NHSL1: variants seen among roughly 807,000 people sequenced by gnomAD.
NHSL1 encodes the protein NHS like 1, also known as NHS-like protein 1.
In NHSL1, 48 loss-of-function variants were observed where a neutral mutation model predicts 95.0. That is an observed-to-expected ratio of 0.51 (90% CI 0.40 to 0.64). The LOEUF is 0.64. Among genes scored for constraint, NHSL1 ranks in the 30% least tolerant of loss-of-function variants. The pLI, the probability that NHSL1 is intolerant of heterozygous loss-of-function variation, is 0.00. For synonymous variants in NHSL1, 783 were observed against 833.9 expected (o/e 0.94, Z 1.05); for missense variants, 1,971 against 2,077.7 (o/e 0.95, Z 1.00).
chr6:138,691,163 A>G (rs76293003), intron 1 of NHSL1, among the ~76,000 whole-genome samples: 3,294 of 152,322 alleles, frequency 0.022, 117 homozygotes, highest in African/African-American at 0.075. Context: ...CATCACTCAC[A>G]TTAAGTAGAT....
intron 1 of NHSL1, among the ~76,000 whole-genome samples, chr6:138,686,429 G>A (rs1424175748): frequency 6.6e-6 from 1 of 152,040 alleles, no homozygotes; most frequent in African/African-American, 2.4e-5. Context: ...GCTGAGGTGG[G>A]AGGATCATTT....
At chr6:138,480,778 A>G (rs1018343259) in intron 2 of NHSL1, among the ~76,000 whole-genome samples, 3 of 152,230 alleles carry the variant, frequency 2.0e-5, no homozygotes, top group African/African-American at 7.2e-5. Flanking sequence ...AGAAAGTCCT[A>G]TGATGATCTA....
chr6:138,568,370 A>T (rs1583421552), intron 1 of NHSL1, among the ~76,000 whole-genome samples: 4 of 152,346 alleles, frequency 2.6e-5, no homozygotes. Context: ...TTCAGTAATG[A>T]TTCCACCAAT....
chr6:138,497,593 T>C (rs1022809580), intron 1 of NHSL1, among the ~76,000 whole-genome samples: 10 of 152,190 alleles, frequency 6.6e-5, no homozygotes, highest in Non-Finnish European at 1.3e-4. Context: ...AAACATACTC[T>C]ATAGCACAGT....
intron 1 of NHSL1, among the ~76,000 whole-genome samples, chr6:138,665,214 C>T (rs1295947495): frequency 6.6e-6 from 1 of 152,016 alleles, no homozygotes; most frequent in Non-Finnish European, 1.5e-5. Context: ...TGTCATAATA[C>T]AGATCAACTT....
At chr6:138,641,185 C>G (rs1389343092) in intron 1 of NHSL1, among the ~76,000 whole-genome samples, 1 of 152,160 alleles carries the variant, frequency 6.6e-6, no homozygotes, top group Non-Finnish European at 1.5e-5. Context: ...TGCCTGTAAT[C>G]CCAGTTCAAT....
At chr6:138,437,377 T>TATATACAC (rs1554222041) in intron 5 of NHSL1, among the ~76,000 whole-genome samples, 357 of 28,354 alleles carry the variant, frequency 0.013, 24 homozygotes, top group African/African-American at 0.04. Context: ...TATATACACA[T>TATATACAC]ATATATATAC....
intron 1 of NHSL1, among the ~76,000 whole-genome samples, chr6:138,604,025 T>C (rs1784402633): frequency 6.6e-6 from 1 of 152,194 alleles, no homozygotes; most frequent in Non-Finnish European, 1.5e-5. Context: ...CAGTGTTCAG[T>C]ATGACACTTA....
At chr6:138,501,210 A>T (rs1780656165), upstream of NHSL1, among the ~76,000 whole-genome samples, 1 of 152,218 alleles carries the variant, frequency 6.6e-6, no homozygotes, top group Non-Finnish European at 1.5e-5. Flanking sequence ...CCATGTGCTC[A>T]ACAATGGCAT....
At chr6:138,692,594 G>T, upstream of NHSL1, 1 of 191,850 alleles carries the variant, frequency 5.2e-6, no homozygotes. This position sits in a 1 kb window ranked among gnomAD's most constrained non-coding sequence, Gnocchi z 4.0. Context: ...GCTCGCCGAA[G>T]ATGTCCCCGG....
At chr6:138,659,484 T>C (rs533839103) in intron 1 of NHSL1, among the ~76,000 whole-genome samples, 1 of 152,112 alleles carries the variant, frequency 6.6e-6, no homozygotes, top group Non-Finnish European at 1.5e-5. Flanking sequence ...AACCAAAGAA[T>C]AGCCAAGAAA....
chr6:138,674,556 G>A (rs1308562541), intron 1 of NHSL1, among the ~76,000 whole-genome samples: 1 of 152,146 alleles, frequency 6.6e-6, no homozygotes, highest in Admixed American at 6.5e-5. Context: ...ACTTATAAGT[G>A]AGAACATACA....
chr6:138,571,677 T>G, intron 1 of NHSL1: 1 of 1,544,070 alleles, frequency 6.5e-7, no homozygotes, highest in Non-Finnish European at 8.8e-7. Context: ...ACAAACTTTT[T>G]CAAATGTTTA....
At chr6:138,686,407 G>A (rs1785584838) in intron 1 of NHSL1, among the ~76,000 whole-genome samples, 2 of 151,990 alleles carry the variant, frequency 1.3e-5, no homozygotes, top group African/African-American at 4.8e-5. Flanking sequence ...TATAGTCCAG[G>A]CTACTAGCGA....
intron 1 of NHSL1, among the ~76,000 whole-genome samples, chr6:138,607,618 A>C (rs1784451905): frequency 6.6e-6 from 1 of 152,218 alleles, no homozygotes; most frequent in African/African-American, 2.4e-5. Flanking sequence ...TAGAAAAACA[A>C]GTTGTGGTAC....
intron 1 of NHSL1, among the ~76,000 whole-genome samples, chr6:138,562,617 A>G (rs6936886): frequency 0.32 from 49,192 of 151,862 alleles, 12,124 homozygotes; most frequent in African/African-American, 0.7. Context: ...AGCCGAGATC[A>G]CACCAGTCCA....
At chr6:138,618,904 C>G (rs1784616608) in intron 1 of NHSL1, among the ~76,000 whole-genome samples, 1 of 152,188 alleles carries the variant, frequency 6.6e-6, no homozygotes, top group Admixed American at 6.6e-5. Context: ...TGTCATGACC[C>G]TCTCATTTCC....
chr6:138,530,980 T>A (rs936418745), intron 1 of NHSL1, among the ~76,000 whole-genome samples: 1 of 152,160 alleles, frequency 6.6e-6, no homozygotes, highest in African/African-American at 2.4e-5. Flanking sequence ...AAAATATTTT[T>A]TTTTTAAAAA....
chr6:138,558,799 T>A (rs910153657), intron 1 of NHSL1, among the ~76,000 whole-genome samples: 3 of 152,074 alleles, frequency 2.0e-5, no homozygotes, highest in African/African-American at 4.8e-5. Context: ...TCCCAGCACT[T>A]TGGGAGGCTG....
Sources: gnomAD v4.1 joint callset for allele counts (sites outside exome capture counted in the v4.1 genomes callset) on GRCh38, gnomAD v4.1.1 for gene constraint, Gnocchi (gnomAD v3.1) non-coding constraint, MANE v1.5 for transcripts, NCBI Gene and HGNC (gene_info 2026-07-23, HGNC 2026-07-21) for gene names.